TRIM14: variants seen among roughly 807,000 people sequenced by gnomAD.
TRIM14 encodes tripartite motif-containing protein 14.
Under a neutral mutation model 44.5 loss-of-function variants are expected in TRIM14, and 28 were observed. The observed-to-expected ratio is 0.63, with a 90% CI of 0.47 to 0.86. The LOEUF (loss-of-function observed/expected upper bound fraction) is 0.86, where lower values mean the gene tolerates loss of function less well. Among genes scored for constraint, TRIM14 ranks in the 40% least tolerant of loss-of-function variants. The pLI, the probability that TRIM14 is intolerant of heterozygous loss-of-function variation, is 0.00. For missense variants in TRIM14, 607 were observed against 611.1 expected (o/e 0.99, Z 0.07); for synonymous variants, 299 against 269.2 (o/e 1.11, Z -1.08).
chr9:98,111,931 T>G (rs1486506177), intron 1 of TRIM14, among the ~76,000 whole-genome samples: 1 of 152,144 alleles, frequency 6.6e-6, no homozygotes, highest in Non-Finnish European at 1.5e-5. Context: ...AGAGTGAAAC[T>G]CCGTCTCAAA....
intron 6 of TRIM14, among the ~76,000 whole-genome samples, chr9:98,078,868 C>T (rs1829717879): frequency 6.7e-6 from 1 of 148,370 alleles, no homozygotes; most frequent in African/African-American, 2.5e-5. Flanking sequence ...TGTCTGTCAA[C>T]AGACATTTGG....
intron 5 of TRIM14, among the ~76,000 whole-genome samples, chr9:98,090,437 G>C (rs1033335280): frequency 1.3e-5 from 2 of 152,180 alleles, no homozygotes; most frequent in South Asian, 2.1e-4. Context: ...AAACAAGAAG[G>C]CACATGAGGA....
At chr9:98,072,413 ATT>A (rs1004255694) in intron 6 of TRIM14, among the ~76,000 whole-genome samples, 11 of 132,126 alleles carry the variant, frequency 8.3e-5, no homozygotes, top group Admixed American at 1.5e-4. Context: ...GGGAAAGTGC[ATT>A]TTTTTTTTTT....
intron 3 of TRIM14, among the ~76,000 whole-genome samples, chr9:98,099,685 C>T (rs925255290): frequency 6.6e-6 from 1 of 152,160 alleles, no homozygotes; most frequent in Non-Finnish European, 1.5e-5. Flanking sequence ...CTACACAGTG[C>T]TCAGGACACA....
At position 98,106,793 on chromosome 9, in the gene TRIM14, A is replaced by AT. The variant is rs566463348; in HGVS notation, c.303+3095_303+3096insA. Reference sequence around the variant, plus strand: ...ACAGGTTTAACACAATTCCTATCAAAATCCCAACAAACTCTTTTTCTTTTC... The same window carrying AT: ...ACAGGTTTAACACAATTCCTATCAAATATCCCAACAAACTCTTTTTCTTTTC... On this transcript the variant is annotated intron_variant, in intron 2 of 5. Transcript: ENST00000341469. Among the ~76,000 whole-genome samples, 72 of 151,628 alleles carry AT rather than the reference A, an allele frequency of 4.7e-4. 1 individual carries two copies. The highest frequency in any genetic ancestry group is 1.7e-3 in the African/African-American group (72 of 41,390).
the TRIM14 span, among the ~76,000 whole-genome samples, chr9:98,055,238 C>T: frequency 2.0e-5 from 3 of 152,184 alleles, no homozygotes; most frequent in Admixed American, 6.5e-5. Context: ...AGGCTGGTCT[C>T]GAACTCCTGA....
At chr9:98,097,424 C>T (rs149604863) in intron 3 of TRIM14, among the ~76,000 whole-genome samples, 98 of 152,272 alleles carry the variant, frequency 6.4e-4, no homozygotes, top group African/African-American at 2.2e-3. Context: ...TCTCTGCGTC[C>T]TCTCTATATA....
At chr9:98,060,856 G>T in the TRIM14 span, 3 of 1,614,192 alleles carry the variant, frequency 1.9e-6, no homozygotes, top group Non-Finnish European at 2.5e-6. Context: ...CCTTGGAGAG[G>T]CCATACACCT....
At chr9:98,059,283 A>G in the TRIM14 span, among the ~76,000 whole-genome samples, 25 of 152,324 alleles carry the variant, frequency 1.6e-4, 1 homozygote, top group African/African-American at 5.5e-4. Context: ...TCGGCCTCCC[A>G]GAGTGCTGGG....
In TRIM14 at chr9:98,088,009, C is replaced by T; in HGVS notation, c.794-4G>A. ...TCCAGCGTGGGCGTGCGCGCGTCTG[C>T]AGGGGGCGAGACAAGGGACGCACCT... On this transcript the variant is annotated splice_region_variant and splice_polypyrimidine_tract_variant and intron_variant, in intron 5 of 5. Coordinates refer to ENST00000341469, the MANE Select transcript of TRIM14 (RefSeq NM_014788.4). 3 of 1,523,374 alleles carry T rather than the reference C, an allele frequency of 2.0e-6. No homozygotes were observed. The highest frequency in any genetic ancestry group is 2.6e-6 in the Non-Finnish European group (3 of 1,149,094). The allele number at this position is 1,523,374 out of a possible 1,614,324, so 94.4% of individuals were successfully genotyped here.
chr9:98,100,968 A>T (rs946203707), intron 2 of TRIM14, among the ~76,000 whole-genome samples: 1 of 151,968 alleles, frequency 6.6e-6, no homozygotes, highest in Non-Finnish European at 1.5e-5. Context: ...AACAATTTTT[A>T]TTTATTTATT....
the TRIM14 span, among the ~76,000 whole-genome samples, chr9:98,061,481 T>G: frequency 2.7e-5 from 2 of 74,668 alleles, no homozygotes; most frequent in Non-Finnish European, 5.5e-5. Flanking sequence ...CATCTCAAAT[T>G]AAAAAAAAAA....
intron 3 of TRIM14, among the ~76,000 whole-genome samples, chr9:98,097,031 T>C (rs1826211316): frequency 6.6e-6 from 1 of 152,012 alleles, no homozygotes; most frequent in South Asian, 2.1e-4. Context: ...CTGTCTCTAC[T>C]AAAAATACAA....
the TRIM14 span, among the ~76,000 whole-genome samples, chr9:98,054,041 T>C: frequency 6.6e-6 from 1 of 152,164 alleles, no homozygotes; most frequent in African/African-American, 2.4e-5. Flanking sequence ...CCCTATCATC[T>C]TTGATCCACT....
chr9:98,060,703 A>G, the TRIM14 span: 3 of 1,263,434 alleles, frequency 2.4e-6, no homozygotes, highest in Non-Finnish European at 3.5e-6. Flanking sequence ...TGGTGATGTC[A>G]TAGTGGTTGC....
At chr9:98,110,848 A>AAAATAAAAT (rs1826820726) in intron 1 of TRIM14, among the ~76,000 whole-genome samples, 2 of 130,528 alleles carry the variant, frequency 1.5e-5, no homozygotes, top group African/African-American at 6.7e-5. Flanking sequence ...CTCTACCACA[A>AAAATAAAAT]AAAATAAAAT....
chr9:98,070,976 T>C (rs1195799191), intron 6 of TRIM14, among the ~76,000 whole-genome samples: 2 of 151,768 alleles, frequency 1.3e-5, no homozygotes, highest in Non-Finnish European at 2.9e-5. Flanking sequence ...CACAACCAGC[T>C]AATTTCTAAA....
chr9:98,056,972 G>C, the TRIM14 span: 1 of 1,546,000 alleles, frequency 6.5e-7, no homozygotes, highest in Non-Finnish European at 8.7e-7. Flanking sequence ...CCCGGGATTC[G>C]GGCGCCGGGA....
At chr9:98,092,604 A>G in intron 4 of TRIM14, 1 of 235,966 alleles carries the variant, frequency 4.2e-6, no homozygotes, top group South Asian at 4.1e-5. Flanking sequence ...AGTTTTGCCT[A>G]AAGCTCCTCC....
Sources: gnomAD v4.1 joint callset for allele counts (sites outside exome capture counted in the v4.1 genomes callset) on GRCh38, gnomAD v4.1.1 for gene constraint, MANE v1.5 for transcripts, NCBI Gene and HGNC (gene_info 2026-07-23, HGNC 2026-07-21) for gene names.